NEGR1: variants seen among roughly 807,000 people sequenced by gnomAD.
NEGR1 encodes the protein IgLON family member 4.
Under a neutral mutation model 40.9 loss-of-function variants are expected in NEGR1, and 10 were observed. That is an observed-to-expected ratio of 0.24 (90% CI 0.15 to 0.42). The LOEUF is 0.42. NEGR1 is among the 10% of genes least tolerant of loss of function. NEGR1 has a pLI of 1.00. For missense variants in NEGR1, 352 were observed against 438.9 expected (o/e 0.80, Z 1.77); for synonymous variants, 185 against 166.8 (o/e 1.11, Z -0.84).
intron 2 of NEGR1, among the ~76,000 whole-genome samples, chr1:71,799,258 T>C (rs1000472468): frequency 2.0e-5 from 3 of 152,108 alleles, no homozygotes; most frequent in African/African-American, 7.2e-5. Flanking sequence ...TGTATTCTCA[T>C]TGTTCAACTC....
intron 1 of NEGR1, among the ~76,000 whole-genome samples, chr1:72,156,582 T>C (rs554047825): frequency 6.6e-5 from 10 of 152,154 alleles, no homozygotes; most frequent in Admixed American, 3.9e-4. Flanking sequence ...AAATGCAAAG[T>C]TACATCTGTA....
chr1:71,983,235 A>T (rs1256035270), intron 1 of NEGR1, among the ~76,000 whole-genome samples: 2 of 152,166 alleles, frequency 1.3e-5, no homozygotes, highest in African/African-American at 4.8e-5. Flanking sequence ...CCTCCAAATT[A>T]TTGAAACTAT....
At chr1:71,517,597 A>G (rs1333279130) in intron 6 of NEGR1, among the ~76,000 whole-genome samples, 1 of 145,018 alleles carries the variant, frequency 6.9e-6, no homozygotes, top group Non-Finnish European at 1.5e-5. Context: ...AGAGCTATCT[A>G]TGACAAACCC....
intron 2 of NEGR1, among the ~76,000 whole-genome samples, chr1:71,876,964 A>C (rs1660449405): frequency 6.6e-6 from 1 of 151,866 alleles, no homozygotes; most frequent in East Asian, 1.9e-4. Context: ...AGAAAGTATT[A>C]CCTATAGGAT....
intron 2 of NEGR1, among the ~76,000 whole-genome samples, chr1:71,793,364 C>T (rs1362632468): frequency 8.8e-6 from 1 of 113,480 alleles, no homozygotes; most frequent in Non-Finnish European, 1.9e-5. Flanking sequence ...CCGCCTCGGC[C>T]TCCCAAAGTG....
At chr1:71,756,718 A>G (rs1416206765) in intron 3 of NEGR1, among the ~76,000 whole-genome samples, 2 of 152,096 alleles carry the variant, frequency 1.3e-5, no homozygotes, top group African/African-American at 2.4e-5. Flanking sequence ...GATGTATTAC[A>G]CTAATACATC....
At chr1:72,099,227 A>G (rs1569961864) in intron 1 of NEGR1, among the ~76,000 whole-genome samples, 1 of 151,978 alleles carries the variant, frequency 6.6e-6, no homozygotes, top group Non-Finnish European at 1.5e-5. Flanking sequence ...ATTCCGTGTT[A>G]TCACTCAGAT....
intron 1 of NEGR1, among the ~76,000 whole-genome samples, chr1:72,005,622 G>A (rs935842299): frequency 6.6e-6 from 1 of 152,074 alleles, no homozygotes; most frequent in Non-Finnish European, 1.5e-5. Flanking sequence ...CATTTTAGCT[G>A]AGTTAGCTCT....
At chr1:72,241,355 C>T (rs1408174142) in intron 1 of NEGR1, among the ~76,000 whole-genome samples, 1 of 125,746 alleles carries the variant, frequency 8.0e-6, no homozygotes, top group Non-Finnish European at 1.7e-5. Flanking sequence ...CCTGATATTC[C>T]CTGTCCACTA....
chr1:72,155,381 C>T (rs1651319541), intron 1 of NEGR1, among the ~76,000 whole-genome samples: 1 of 151,932 alleles, frequency 6.6e-6, no homozygotes, highest in Non-Finnish European at 1.5e-5. Context: ...AATCATATAA[C>T]CTAGTGGCTT....
chr1:71,740,914 G>A (rs1053533632), intron 3 of NEGR1, among the ~76,000 whole-genome samples: 1 of 152,104 alleles, frequency 6.6e-6, no homozygotes, highest in Non-Finnish European at 1.5e-5. Flanking sequence ...TTGATTTTCA[G>A]GTATTATTTG....
At chr1:72,122,737 T>G (rs1213344324) in intron 1 of NEGR1, among the ~76,000 whole-genome samples, 1 of 151,902 alleles carries the variant, frequency 6.6e-6, no homozygotes, top group East Asian at 1.9e-4. Flanking sequence ...TTTTAAAGAA[T>G]ACTAACATTT....
intron 1 of NEGR1, among the ~76,000 whole-genome samples, chr1:72,106,583 G>A (rs1649142464): frequency 6.6e-6 from 1 of 151,994 alleles, no homozygotes. Context: ...TTTCTAGGAT[G>A]ATTGGATTAT....
At chr1:71,702,051 A>G (rs1422920753) in intron 3 of NEGR1, among the ~76,000 whole-genome samples, 2 of 152,052 alleles carry the variant, frequency 1.3e-5, no homozygotes, top group South Asian at 2.1e-4. Flanking sequence ...ACAGGTTTCA[A>G]AAGCAAATAA....
At position 71,611,204 on chromosome 1, in the gene NEGR1, A is replaced by G. The variant is rs1570103476; in HGVS notation, c.668-58T>C. ...GATAAGTAAAAATAATCCTCAACAG[A>G]AATATGACACACATATATTTTTATT... is the stretch of plus-strand genomic sequence containing the variant. On this transcript the variant is annotated intron_variant, in intron 4 of 6. Transcript: ENST00000357731. The G allele has an allele frequency of 6.1e-6, 9 of 1,478,770 alleles. No homozygotes were observed. The East Asian group carries it at 2.1e-4, about 34-fold the overall frequency. 91.6% of individuals were successfully genotyped at this position (1,478,770 alleles called of 1,614,324 possible).
At chr1:71,583,651 AT>A (rs1649208922) in intron 6 of NEGR1, among the ~76,000 whole-genome samples, 1 of 152,150 alleles carries the variant, frequency 6.6e-6, no homozygotes, top group Non-Finnish European at 1.5e-5. Flanking sequence ...AGGAGTTATA[AT>A]TTTTTTGAGA....
chr1:71,777,320 C>T (rs1024427767), intron 2 of NEGR1, among the ~76,000 whole-genome samples: 2 of 152,070 alleles, frequency 1.3e-5, no homozygotes, highest in African/African-American at 4.8e-5. Context: ...TAAGTCACTA[C>T]ATGTTAAAGG....
intron 1 of NEGR1, among the ~76,000 whole-genome samples, chr1:72,059,822 A>G (rs1320443441): frequency 6.6e-6 from 1 of 151,694 alleles, no homozygotes; most frequent in South Asian, 2.1e-4. Flanking sequence ...TACATTATGC[A>G]TGTTAAATCT....
intron 2 of NEGR1, among the ~76,000 whole-genome samples, chr1:71,933,708 A>C (rs1247541010): frequency 6.6e-6 from 1 of 152,026 alleles, no homozygotes; most frequent in African/African-American, 2.4e-5. Flanking sequence ...TTATATTCTG[A>C]TATACCACTT....
Sources: allele counts gnomAD v4.1 joint callset (sites outside exome capture counted in the v4.1 genomes callset), GRCh38; gene constraint gnomAD v4.1.1; transcripts MANE v1.5; gene names NCBI Gene and HGNC (gene_info 2026-07-23, HGNC 2026-07-21).